Variants in AP4E1 observed in about 807,000 individuals in gnomAD.
The protein encoded by AP4E1 is AP-4 complex subunit epsilon-1.
AP4E1 carries 56 observed loss-of-function variants against 128.2 expected under a neutral mutation model. The ratio of observed to expected loss-of-function variants is 0.44; its 90% confidence interval spans 0.35 to 0.55. The LOEUF (loss-of-function observed/expected upper bound fraction) is 0.55, where lower values mean the gene tolerates loss of function less well. Ranked by LOEUF, AP4E1 falls within the 20% of genes least tolerant of loss-of-function variation. AP4E1 has a pLI of 0.00. For missense variants in AP4E1, 1,324 were observed against 1,307.7 expected, an observed-to-expected ratio of 1.01 and a Z score of -0.19; for synonymous variants, 484 against 473.1, an observed-to-expected ratio of 1.02 and a Z score of -0.30.
At chr15:50,920,600 G>A (rs2063689716) in intron 3 of AP4E1, among the ~76,000 whole-genome samples, 1 of 151,706 alleles carries the variant, frequency 6.6e-6, no homozygotes, top group African/African-American at 2.4e-5. Flanking sequence ...GGGTTTCACC[G>A]TGTTAGCCAG....
At chr15:50,967,108 C>T (rs1306374222) in intron 14 of AP4E1, among the ~76,000 whole-genome samples, 1 of 151,948 alleles carries the variant, frequency 6.6e-6, no homozygotes, top group Non-Finnish European at 1.5e-5. Context: ...AACGCTTTTC[C>T]TGGTGAAATT....
intron 17 of AP4E1, among the ~76,000 whole-genome samples, chr15:50,995,399 C>CT (rs34400855): frequency 0.26 from 35,355 of 136,642 alleles, 4,937 homozygotes; most frequent in East Asian, 0.45. Flanking sequence ...ATTTCACCTT[C>CT]TTTTTTTTTT....
At chr15:50,934,846 C>G in intron 8 of AP4E1, 149 bp downstream of exon 8, 1 of 573,918 alleles carries the variant, frequency 1.7e-6, no homozygotes, top group Non-Finnish European at 3.1e-6. Flanking sequence ...TCAATGTAAG[C>G]ATTTAATTAC....
chr15:50,927,881 T>G (rs1163066111), intron 5 of AP4E1, among the ~76,000 whole-genome samples: 1 of 152,156 alleles, frequency 6.6e-6, no homozygotes. Context: ...ATACTTCACT[T>G]TTGTGATGTT....
At chr15:50,936,736 C>G (rs563590388) in intron 8 of AP4E1, among the ~76,000 whole-genome samples, 1 of 152,268 alleles carries the variant, frequency 6.6e-6, no homozygotes, top group African/African-American at 2.4e-5. Context: ...GAGTTCAAGA[C>G]CAACCTGGCC....
In AP4E1 at chr15:50,909,000, C is replaced by T. The variant is rs1400976333; in HGVS notation, c.150+72C>T. 5 of 1,591,290 alleles carry T rather than the reference C, an allele frequency of 3.1e-6. No homozygotes were observed. In the African/African-American group the frequency reaches 6.7e-5, roughly 21 times the overall value. On this transcript the variant is annotated intron_variant, in intron 1 of 20. Coordinates refer to ENST00000261842, the MANE Select transcript of AP4E1 (RefSeq NM_007347.5). Reference sequence around the variant, plus strand: ...CCCGCGCCAGGAGGCCCTGGCCGGGCGGCGAGACTTCAGGGCCTCTGGGGT... The same window carrying T: ...CCCGCGCCAGGAGGCCCTGGCCGGGTGGCGAGACTTCAGGGCCTCTGGGGT...
rs1259376051 is a variant in AP4E1 at position 51,003,589 on chromosome 15, A to G, written c.*927A>G. ...GATATAGCTGAAGCAGAGACTAAGTATAACATACAGGTTCTTCAGTAAAAT... is the reference window on the plus strand; with the variant it reads ...GATATAGCTGAAGCAGAGACTAAGTGTAACATACAGGTTCTTCAGTAAAAT... On this transcript the variant is annotated 3_prime_UTR_variant, in exon 21 of 21. Coordinates refer to ENST00000261842, the MANE Select transcript of AP4E1 (RefSeq NM_007347.5). 1.3e-5 allele frequency: 2 copies of G among 152,636 alleles called. No individual in the cohort carries two copies. The highest frequency in any genetic ancestry group is 1.9e-4 in the East Asian group (1 of 5,196). 9.5% of individuals were successfully genotyped at this position (152,636 alleles called of 1,614,324 possible).
chr15:50,915,794 G>A (rs752440038), intron 3 of AP4E1: 26 of 535,826 alleles, frequency 4.9e-5, no homozygotes, highest in Non-Finnish European at 7.6e-5. Flanking sequence ...AAGATTTCTT[G>A]CTCTTGTGAT....
chr15:50,989,583 C>A (rs1333206131), intron 16 of AP4E1, among the ~76,000 whole-genome samples: 1 of 151,626 alleles, frequency 6.6e-6, no homozygotes, highest in Non-Finnish European at 1.5e-5. Context: ...TGTTTGTGGG[C>A]ATTTGATGAT....
intron 5 of AP4E1, among the ~76,000 whole-genome samples, chr15:50,927,035 T>G (rs1355437876): frequency 1.3e-5 from 2 of 152,246 alleles, no homozygotes; most frequent in Non-Finnish European, 2.9e-5. Context: ...AGGATGATTA[T>G]GGACAATTAA....
chr15:50,925,493 G>A (rs1316490125), intron 5 of AP4E1, among the ~76,000 whole-genome samples: 7 of 152,130 alleles, frequency 4.6e-5, no homozygotes, highest in African/African-American at 1.7e-4. Context: ...CAGTGGTCTT[G>A]TTTTTCCTTG....
intron 17 of AP4E1, among the ~76,000 whole-genome samples, chr15:50,995,494 G>A (rs2064856345): frequency 1.3e-5 from 2 of 148,278 alleles, no homozygotes; most frequent in Admixed American, 6.8e-5. Context: ...GCCTCAATTC[G>A]CCTGTCTCAG....
At chr15:50,927,248 C>A (rs182865750) in intron 5 of AP4E1, among the ~76,000 whole-genome samples, 1 of 152,238 alleles carries the variant, frequency 6.6e-6, no homozygotes, top group Admixed American at 6.5e-5. Context: ...CAAGTCCTGG[C>A]TAGAGTTTAG....
At chr15:50,932,583 T>C (rs751962622) in intron 7 of AP4E1, among the ~76,000 whole-genome samples, 5 of 152,256 alleles carry the variant, frequency 3.3e-5, no homozygotes, top group Non-Finnish European at 5.9e-5. Context: ...ATCAGTGTTC[T>C]GATTTTATGA....
At chr15:50,920,467 C>T (rs1262776710) in intron 3 of AP4E1, among the ~76,000 whole-genome samples, 4 of 147,176 alleles carry the variant, frequency 2.7e-5, no homozygotes, top group Admixed American at 1.4e-4. Flanking sequence ...AGTATGGTGG[C>T]GCCACCTCGG....
At chr15:50,926,754 A>T (rs1190048696) in intron 5 of AP4E1, among the ~76,000 whole-genome samples, 2 of 151,838 alleles carry the variant, frequency 1.3e-5, no homozygotes, top group Non-Finnish European at 2.9e-5. Context: ...GCCCGCCACT[A>T]TGCCTGGCTA....
Position 51,002,688 on chromosome 15 carries a change from A to G in AP4E1, c.*26A>G. 1 of 1,613,458 alleles carries G rather than the reference A, an allele frequency of 6.2e-7. No individual in the cohort carries two copies. The highest frequency in any genetic ancestry group is 8.5e-7 in the Non-Finnish European group (1 of 1,179,634). ...CAGAAGCCCTGCTAAATTTTACTCC[A>G]TCAAGATCAATGGTTTACATAGATA... On this transcript the variant is annotated 3_prime_UTR_variant, in exon 21 of 21. Coordinates refer to ENST00000261842, the MANE Select transcript of AP4E1 (RefSeq NM_007347.5).
chr15:50,946,070 G>T (rs2064058103), intron 10 of AP4E1: 1 of 662,750 alleles, frequency 1.5e-6, no homozygotes, highest in South Asian at 1.9e-5. Context: ...AAATTAAAGT[G>T]CTGGGACTAG....
At chr15:50,925,298 T>G in intron 5 of AP4E1, 79 bp downstream of exon 5, 1 of 1,423,298 alleles carries the variant, frequency 7.0e-7, no homozygotes, top group Non-Finnish European at 9.8e-7. Flanking sequence ...TTATTACAAC[T>G]TCAGTGCTAC....
Sources: allele counts gnomAD v4.1 joint callset (sites outside exome capture counted in the v4.1 genomes callset), GRCh38; gene constraint gnomAD v4.1.1; transcripts MANE v1.5; gene names NCBI Gene and HGNC (gene_info 2026-07-23, HGNC 2026-07-21).